Variants in C12orf76 observed in about 807,000 individuals in gnomAD.
The protein encoded by C12orf76 is chromosome 12 open reading frame 76, also known as uncharacterized protein C12orf76.
C12orf76 carries 6 observed loss-of-function variants against 6.8 expected under a neutral mutation model. The ratio of observed to expected loss-of-function variants is 0.88; its 90% confidence interval spans 0.48 to 1.73. The LOEUF is 1.73. Among genes scored for constraint, C12orf76 ranks in the 40% most tolerant of loss-of-function variants. The probability of loss-of-function intolerance (pLI) is 0.01; values close to 1 mark genes in which losing one functional copy is unlikely to be tolerated. For missense variants in C12orf76, 99 were observed against 98.2 expected, an observed-to-expected ratio of 1.01 and a Z score of -0.03; for synonymous variants, 56 against 43.7, an observed-to-expected ratio of 1.28 and a Z score of -1.11.
Position 110,054,372 on chromosome 12 carries a change from A to G in C12orf76, n.664+2817T>C, listed in dbSNP as rs1892635534. 6.6e-6 allele frequency among the ~76,000 whole-genome samples: 1 copy of G among 152,218 alleles called. No homozygotes were observed. Among genetic ancestry groups the G allele is most frequent in the Non-Finnish European group, 1.5e-5 (1 of 68,040 alleles). On this transcript the variant is annotated intron_variant and non_coding_transcript_variant, in intron 4 of 4. Coordinates refer to the C12orf76 transcript ENST00000309050. This position sits in a 1 kb window ranked among gnomAD's most constrained non-coding sequence, Gnocchi z 4.4. ...AGATATTATTCAGCCATAAAAAAGG[A>G]ACAGGGTACTCATACATGCTATTAC...
At chr12:110,046,384 C>T (rs771377466) in intron 1 of C12orf76, among the ~76,000 whole-genome samples, 2 of 152,228 alleles carry the variant, frequency 1.3e-5, no homozygotes, top group African/African-American at 2.4e-5. Flanking sequence ...TGAGACCGCA[C>T]CACTGCACTC....
chr12:110,056,922 T>C lies in C12orf76; in HGVS notation n.664+267A>G, dbSNP rs1397666201. 1.0e-5 allele frequency: 4 copies of C among 383,722 alleles called. No homozygotes were observed. In the Admixed American group the frequency reaches 1.2e-4, roughly 12 times the overall value. The allele number at this position is 383,722 out of a possible 1,614,324, so 23.8% of individuals were successfully genotyped here. Reference sequence around the variant, plus strand: ...TGTGAGTCCATTAAACCTCTTTTCTTTGTAAATTACCTAGTCTCGAATATG... The same window carrying C: ...TGTGAGTCCATTAAACCTCTTTTCTCTGTAAATTACCTAGTCTCGAATATG... On this transcript the variant is annotated intron_variant and non_coding_transcript_variant, in intron 4 of 4. Coordinates refer to the C12orf76 transcript ENST00000309050.
rs1013430530 is a variant in C12orf76 at position 110,054,335 on chromosome 12, A to G, written n.664+2854T>C. ...TGAATGGATAGGCAAAATGTGGTCT[A>G]TCCATTCAATGAGATATTATTCAGC... On this transcript the variant is annotated intron_variant and non_coding_transcript_variant, in intron 4 of 4. Coordinates refer to the C12orf76 transcript ENST00000309050. The surrounding 1 kb of genome is among the most constrained non-coding windows in gnomAD (Gnocchi z 4.4). 2.0e-5 allele frequency among the ~76,000 whole-genome samples: 3 copies of G among 152,222 alleles called. No homozygotes were observed. Among genetic ancestry groups the G allele is most frequent in the Non-Finnish European group, 2.9e-5 (2 of 68,036 alleles).
intron 2 of C12orf76, among the ~76,000 whole-genome samples, chr12:110,062,612 G>T (rs1283841962): frequency 6.8e-6 from 1 of 147,790 alleles, no homozygotes; most frequent in Non-Finnish European, 1.5e-5. Flanking sequence ...GAAAAATATA[G>T]AAAAAAAGAG....
At chr12:110,071,042 T>C (rs1892955416), upstream of C12orf76, among the ~76,000 whole-genome samples, 1 of 152,256 alleles carries the variant, frequency 6.6e-6, no homozygotes. Flanking sequence ...CCCAAAGTGC[T>C]GGGATTACAG....
chr12:110,053,129 T>C (rs1640924518), upstream of C12orf76, among the ~76,000 whole-genome samples: 1 of 150,078 alleles, frequency 6.7e-6, no homozygotes, highest in Non-Finnish European at 1.5e-5. Context: ...GAGGTGGAGG[T>C]TGCAGTAAGC....
chr12:110,051,344 G>A, upstream of C12orf76: 1 of 685,572 alleles, frequency 1.5e-6, no homozygotes, highest in South Asian at 1.5e-5. Flanking sequence ...GAATTGTGAG[G>A]ATCAAATGAT....
chr12:110,068,234 GAAGAAGAAGAAGA>G (rs1219276822), upstream of C12orf76, among the ~76,000 whole-genome samples: 9 of 126,894 alleles, frequency 7.1e-5, no homozygotes, highest in African/African-American at 2.8e-4. Flanking sequence ...AAGGAGAAGA[GAAGAAGAAGAAGA>G]AAGAAGAAGA....
At chr12:110,067,687 C>T (rs1892889217) in exon 1 of C12orf76, 1 of 447,848 alleles carries the variant, frequency 2.2e-6, no homozygotes, top group South Asian at 9.5e-5. Flanking sequence ...GCTCAGTCAT[C>T]TTCTCCCTAT....
chr12:110,060,578 T>G (rs1892752884), intron 2 of C12orf76, among the ~76,000 whole-genome samples: 1 of 152,168 alleles, frequency 6.6e-6, no homozygotes, highest in Admixed American at 6.5e-5. Context: ...GGCTACTCCT[T>G]CTCAGAATCC....
At chr12:110,073,577 C>A in exon 1 of C12orf76, 1 of 486,636 alleles carries the variant, frequency 2.1e-6, no homozygotes. Context: ...GGGGCTGGAC[C>A]AGGGCTCAAC....
chr12:110,056,170 T>C (rs1892664182), intron 4 of C12orf76, among the ~76,000 whole-genome samples: 1 of 151,958 alleles, frequency 6.6e-6, no homozygotes, highest in African/African-American at 2.4e-5. Context: ...AATACTGTGA[T>C]CACGAAACTG....
At chr12:110,048,682 A>T (rs989089827), upstream of C12orf76, 8 of 1,255,074 alleles carry the variant, frequency 6.4e-6, no homozygotes, top group Admixed American at 3.4e-4. Context: ...CTCAATAACT[A>T]ATGTTTCCCC....
upstream of C12orf76, chr12:110,048,770 T>G: frequency 1.3e-6 from 1 of 769,766 alleles, no homozygotes; most frequent in Non-Finnish European, 1.7e-6. Flanking sequence ...GTGGTTAGCG[T>G]TCCCTCATCC....
intron 2 of C12orf76, among the ~76,000 whole-genome samples, chr12:110,062,711 C>T (rs1180375412): frequency 6.6e-6 from 1 of 151,188 alleles, no homozygotes; most frequent in South Asian, 2.1e-4. Context: ...CCTCAACTTC[C>T]CAGGATCAAG....
chr12:110,059,243 A>G, intron 2 of C12orf76: 1 of 1,435,004 alleles, frequency 7.0e-7, no homozygotes, highest in Non-Finnish European at 9.3e-7. Flanking sequence ...GAATTGGTTA[A>G]TTAGCTCTAT....
chr12:110,048,460 G>A lies in C12orf76; in HGVS notation c.36C>T (p.Gly12=), dbSNP rs868163138. ...CCTCCCCCACCAGGAGGCTGCAGAG[G>A]CCAAGGTACAGCCACGGTAACGCTG... ...LRPALPWLYL[G]LCSLLVGEAE... Residue 12 remains glycine (G), a synonymous_variant, in exon 1 of 2, where the codon GGC becomes GGT. Transcript: ENST00000615315. The A allele has an allele frequency of 6.7e-7, 1 of 1,495,928 alleles. No homozygotes were observed. Among genetic ancestry groups the A allele is most frequent in the East Asian group, 2.7e-5 (1 of 37,186 alleles). 92.7% of individuals were successfully genotyped at this position (1,495,928 alleles called of 1,614,324 possible).
At chr12:110,066,753 G>A (rs933217973) in intron 1 of C12orf76, among the ~76,000 whole-genome samples, 1 of 152,120 alleles carries the variant, frequency 6.6e-6, no homozygotes, top group African/African-American at 2.4e-5. Context: ...TCCTCCTGGT[G>A]TCTGGTGCCT....
At chr12:110,067,058 G>A (rs1322590582) in intron 1 of C12orf76, among the ~76,000 whole-genome samples, 1 of 152,190 alleles carries the variant, frequency 6.6e-6, no homozygotes, top group African/African-American at 2.4e-5. Context: ...CATTGGAAAA[G>A]CTTCTGTGAG....
Sources: allele counts gnomAD v4.1 joint callset (sites outside exome capture counted in the v4.1 genomes callset), GRCh38; gene constraint gnomAD v4.1.1; non-coding constraint Gnocchi (gnomAD v3.1); transcripts MANE v1.5; gene names NCBI Gene and HGNC (gene_info 2026-07-23, HGNC 2026-07-21).